SORCS1: variants seen among roughly 807,000 people sequenced by gnomAD.
SORCS1 encodes sortilin related VPS10 domain containing receptor 1.
SORCS1 carries 60 observed loss-of-function variants against 146.1 expected under a neutral mutation model. The ratio of observed to expected loss-of-function variants is 0.41; its 90% confidence interval spans 0.33 to 0.51. SORCS1 has a LOEUF of 0.51. SORCS1 is among the 20% of genes least tolerant of loss of function. The probability of loss-of-function intolerance (pLI) is 0.21; values close to 1 mark genes in which losing one functional copy is unlikely to be tolerated. For synonymous variants in SORCS1, 637 were observed against 584.0 expected (o/e 1.09, Z -1.31); for missense variants, 1,352 against 1,487.6 (o/e 0.91, Z 1.50).
At chr10:106,601,959 A>T (rs1334240739) in intron 23 of SORCS1, among the ~76,000 whole-genome samples, 2 of 152,240 alleles carry the variant, frequency 1.3e-5, no homozygotes, top group African/African-American at 2.4e-5. Context: ...ATTTAGTCAC[A>T]CAGTGATGGT....
chr10:107,063,131 C>A (rs1961392499), intron 1 of SORCS1, among the ~76,000 whole-genome samples: 1 of 152,082 alleles, frequency 6.6e-6, no homozygotes, highest in African/African-American at 2.4e-5. Flanking sequence ...TGCTTATGCA[C>A]ATCTGTAAAA....
chr10:106,667,502 C>A (rs2135435036), intron 17 of SORCS1, among the ~76,000 whole-genome samples, 187 bp downstream of exon 17: 1 of 152,350 alleles, frequency 6.6e-6, no homozygotes, highest in East Asian at 1.9e-4. Flanking sequence ...CAACTGGAAT[C>A]TTATTCTCAC....
chr10:107,044,296 T>C (rs1286239274), intron 1 of SORCS1, among the ~76,000 whole-genome samples: 1 of 151,982 alleles, frequency 6.6e-6, no homozygotes, highest in Non-Finnish European at 1.5e-5. Context: ...CAAGATATCC[T>C]GCATGACTAA....
chr10:106,671,624 G>T (rs1184207843), intron 15 of SORCS1, among the ~76,000 whole-genome samples: 1 of 152,126 alleles, frequency 6.6e-6, no homozygotes, highest in Admixed American at 6.5e-5. Context: ...CCTTTATTTG[G>T]CAAAGTGTTG....
rs191425440 is a variant in SORCS1, at chr10:107,106,696, T to C, written c.558+57273A>G. Among the ~76,000 whole-genome samples the C allele has an allele frequency of 5.3e-5, 8 of 152,322 alleles. No homozygotes were observed. The East Asian group carries it at 1.2e-3, about 22-fold the overall frequency. ...CAATCCTAGAAATATATGTGTACTA[T>C]ATAGACTGAATGTTTATGCCCTCCC... is the stretch of plus-strand genomic sequence containing the variant. On this transcript the variant is annotated intron_variant, in intron 1 of 25. Transcript: ENST00000263054.
chr10:106,919,717 TA>T (rs1952614053), intron 2 of SORCS1, among the ~76,000 whole-genome samples: 1 of 151,902 alleles, frequency 6.6e-6, no homozygotes, highest in Admixed American at 6.6e-5. Flanking sequence ...AGCAAAAAAA[TA>T]AAAATGTATA....
At chr10:107,151,675 T>C (rs968071076) in intron 1 of SORCS1, among the ~76,000 whole-genome samples, 7 of 152,128 alleles carry the variant, frequency 4.6e-5, no homozygotes, top group African/African-American at 1.4e-4. Flanking sequence ...TAGTGGAGAT[T>C]TGGGTGGAGA....
Position 106,896,303 on chromosome 10 carries a change from C to T in SORCS1, c.626+60210G>A, listed in dbSNP as rs1184643538. On this transcript the variant is annotated intron_variant, in intron 2 of 25. Transcript: ENST00000263054. ...AAGTAGCTCAGTGTGGTGGCAGATG[C>T]CTGTGATCCTAGCTACTCAGGAGGC... Among the ~76,000 whole-genome samples the T allele has an allele frequency of 2.0e-5, 3 of 151,936 alleles. No homozygotes were observed. The East Asian group carries it at 5.8e-4, about 29-fold the overall frequency.
At chr10:106,784,976 C>T in intron 3 of SORCS1, among the ~76,000 whole-genome samples, 1 of 152,176 alleles carries the variant, frequency 6.6e-6, no homozygotes, top group Non-Finnish European at 1.5e-5. Flanking sequence ...CATTAATCCA[C>T]TCTAAAAATC....
chr10:106,917,791 C>T (rs1952516717), intron 2 of SORCS1, among the ~76,000 whole-genome samples: 1 of 152,110 alleles, frequency 6.6e-6, no homozygotes, highest in African/African-American at 2.4e-5. Flanking sequence ...CTAAAGAGTC[C>T]CTCAGACTCT....
At chr10:106,646,307 T>C (rs1237975530) in intron 18 of SORCS1, among the ~76,000 whole-genome samples, 2 of 152,178 alleles carry the variant, frequency 1.3e-5, no homozygotes, top group Non-Finnish European at 2.9e-5. Flanking sequence ...TTTGTTGGTA[T>C]AATTCCTTTA....
At chr10:106,662,499 T>G (rs554010621) in intron 17 of SORCS1, among the ~76,000 whole-genome samples, 1 of 152,308 alleles carries the variant, frequency 6.6e-6, no homozygotes, top group South Asian at 2.1e-4. Context: ...GCAACATTTA[T>G]GAAGGGGCTC....
At chr10:106,682,246 G>T (rs1299367224) in intron 10 of SORCS1, among the ~76,000 whole-genome samples, 1 of 152,160 alleles carries the variant, frequency 6.6e-6, no homozygotes, top group Admixed American at 6.5e-5. Flanking sequence ...TGTTGCTATG[G>T]CTTTCAGAGG....
At chr10:107,100,361 A>C (rs1048128680) in intron 1 of SORCS1, among the ~76,000 whole-genome samples, 1 of 152,006 alleles carries the variant, frequency 6.6e-6, no homozygotes, top group South Asian at 2.1e-4. Context: ...AAAATACAAA[A>C]AACTTAGCTG....
chr10:106,790,171 A>C (rs1946244272), intron 3 of SORCS1, among the ~76,000 whole-genome samples: 1 of 152,074 alleles, frequency 6.6e-6, no homozygotes, highest in Admixed American at 6.5e-5. Flanking sequence ...TACTGGACTT[A>C]ATTCCTTCAA....
At position 106,654,959 on chromosome 10, in the gene SORCS1, C is replaced by A. The variant is rs555298911; in HGVS notation, c.2304-2406G>T. On this transcript the variant is annotated intron_variant, in intron 17 of 25. Transcript: ENST00000263054. ...GCAGCTTCCACCTCCTGGGTTCAAG[C>A]GATTCTCTCGCCTCAGCCATCCAAG... is the stretch of plus-strand genomic sequence containing the variant. Among the ~76,000 whole-genome samples, 3 of 151,988 alleles carry A rather than the reference C, an allele frequency of 2.0e-5. No individual in the cohort carries two copies. The South Asian group carries it at 6.2e-4, about 31-fold the overall frequency.
At chr10:106,806,509 T>TG (rs1564680558) in intron 3 of SORCS1, among the ~76,000 whole-genome samples, 2 of 35,424 alleles carry the variant, frequency 5.6e-5, no homozygotes, top group Non-Finnish European at 1.2e-4. Context: ...GGAAGCCTTT[T>TG]TTTTTTTTTT....
chr10:106,666,985 T>C (rs1851208424), intron 17 of SORCS1: 1 of 152,224 alleles, frequency 6.6e-6, no homozygotes, highest in African/African-American at 2.4e-5. Context: ...GGCTCAAATG[T>C]GCCTTTTTAC....
chr10:107,127,919 T>C (rs1966805661), intron 1 of SORCS1, among the ~76,000 whole-genome samples: 1 of 152,238 alleles, frequency 6.6e-6, no homozygotes, highest in Non-Finnish European at 1.5e-5. Flanking sequence ...GCCAGTAATG[T>C]ATCATCTTGG....
Sources: allele counts gnomAD v4.1 joint callset (sites outside exome capture counted in the v4.1 genomes callset), GRCh38; gene constraint gnomAD v4.1.1; transcripts MANE v1.5; gene names NCBI Gene and HGNC (gene_info 2026-07-23, HGNC 2026-07-21).